The following STK32C variants were observed in gnomAD, a reference collection of about 807,000 sequenced individuals.
The protein encoded by STK32C is serine/threonine-protein kinase 32C.
In STK32C, 31 loss-of-function variants were observed where a neutral mutation model predicts 56.5. The ratio of observed to expected loss-of-function variants is 0.55; its 90% confidence interval spans 0.41 to 0.74. STK32C has a LOEUF of 0.74. Ranked by LOEUF, STK32C falls within the 30% of genes least tolerant of loss-of-function variation. The probability of loss-of-function intolerance (pLI) is 0.00; values close to 1 mark genes in which losing one functional copy is unlikely to be tolerated. For synonymous variants in STK32C, 309 were observed against 289.4 expected (o/e 1.07, Z -0.69); for missense variants, 544 against 676.9 (o/e 0.80, Z 2.18).
At chr10:132,275,189 G>A (rs375009466) in intron 1 of STK32C, among the ~76,000 whole-genome samples, 1 of 152,200 alleles carries the variant, frequency 6.6e-6, no homozygotes, top group Non-Finnish European at 1.5e-5. Flanking sequence ...TGGGAGGTCC[G>A]GCATCCCCGT....
chr10:132,316,259 T>G (rs1375997563), intron 1 of STK32C, among the ~76,000 whole-genome samples: 1 of 151,778 alleles, frequency 6.6e-6, no homozygotes, highest in Non-Finnish European at 1.5e-5. Flanking sequence ...TATAAGCCAA[T>G]GTAGCAAAGA....
rs1324118648 is a variant in STK32C, at chr10:132,221,703, G to A, written c.1251+938C>T. 7.1e-3 allele frequency among the ~76,000 whole-genome samples: 747 copies of A among 104,652 alleles called. 7 individuals carry two copies. The highest frequency in any genetic ancestry group is 0.027 in the African/African-American group (700 of 25,496). 68.7% of individuals were successfully genotyped at this position (104,652 alleles called of 152,430 possible). A position where few individuals can be genotyped will look rare whatever the true frequency, so the allele number is the denominator to read the frequency against. On this transcript the variant is annotated intron_variant, in intron 10 of 11. Coordinates refer to ENST00000298630, the MANE Select transcript of STK32C (RefSeq NM_173575.4). Reference sequence around the variant, plus strand: ...GGCCGTCCCCACACACACAACTGATGCTGACGCACCTGGGCGAGTGTGAGG... The same window carrying A: ...GGCCGTCCCCACACACACAACTGATACTGACGCACCTGGGCGAGTGTGAGG...
At chr10:132,261,222 G>A (rs573798667) in intron 1 of STK32C, among the ~76,000 whole-genome samples, 2 of 152,242 alleles carry the variant, frequency 1.3e-5, no homozygotes, top group South Asian at 2.1e-4. Context: ...GTTGCCAGGT[G>A]GCTGGAGAAT....
At chr10:132,281,666 A>G (rs2065210132) in intron 1 of STK32C, among the ~76,000 whole-genome samples, 2 of 152,216 alleles carry the variant, frequency 1.3e-5, no homozygotes, top group African/African-American at 4.8e-5. Flanking sequence ...GTTGGAAAGC[A>G]CTGTTGCGGA....
chr10:132,291,658 C>T (rs898502229), intron 1 of STK32C, among the ~76,000 whole-genome samples: 6 of 152,188 alleles, frequency 3.9e-5, no homozygotes, highest in Non-Finnish European at 8.8e-5. Flanking sequence ...CCTGTATGAA[C>T]GCTGAGGCTG....
intron 1 of STK32C, among the ~76,000 whole-genome samples, chr10:132,327,929 G>C (rs999278294): frequency 6.6e-6 from 1 of 152,184 alleles, no homozygotes; most frequent in African/African-American, 2.4e-5. Flanking sequence ...TGGGAGGGCT[G>C]TCCCTGAAGA....
chr10:132,270,709 C>T (rs972379999), intron 1 of STK32C, among the ~76,000 whole-genome samples: 1 of 152,200 alleles, frequency 6.6e-6, no homozygotes, highest in Non-Finnish European at 1.5e-5. Context: ...CCTCCCTCTG[C>T]GTCTGTAACC....
intron 1 of STK32C, among the ~76,000 whole-genome samples, chr10:132,285,887 C>T (rs2138270210): frequency 6.6e-6 from 1 of 152,190 alleles, no homozygotes; most frequent in African/African-American, 2.4e-5. Context: ...TTTGGGAGGC[C>T]GAGGCGGGCA....
intron 1 of STK32C, among the ~76,000 whole-genome samples, chr10:132,272,084 G>A (rs2064844702): frequency 6.6e-6 from 1 of 152,234 alleles, no homozygotes; most frequent in Non-Finnish European, 1.5e-5. Flanking sequence ...GGGCTGTGCT[G>A]TGCCCCCGAA....
intron 10 of STK32C, among the ~76,000 whole-genome samples, chr10:132,220,875 A>C (rs2035804): frequency 6.6e-6 from 1 of 152,078 alleles, no homozygotes; most frequent in Non-Finnish European, 1.5e-5. Flanking sequence ...TGGACTTCCG[A>C]TTTACAGAAA....
At chr10:132,259,088 G>A (rs1174016873) in intron 1 of STK32C, among the ~76,000 whole-genome samples, 1 of 131,738 alleles carries the variant, frequency 7.6e-6, no homozygotes, top group Non-Finnish European at 1.6e-5. Flanking sequence ...GGCTTGGGAG[G>A]CTGCTGCACC....
In STK32C at chr10:132,247,196, G is replaced by A. The variant is rs142737599; in HGVS notation, c.263-1241C>T. 3.8e-4 allele frequency among the ~76,000 whole-genome samples: 58 copies of A among 152,316 alleles called. No individual in the cohort carries two copies. The East Asian group carries it at 0.01, about 26-fold the overall frequency. On this transcript the variant is annotated intron_variant, in intron 1 of 11. Coordinates refer to ENST00000298630, the MANE Select transcript of STK32C (RefSeq NM_173575.4). The stretch of plus-strand genomic sequence containing the variant: ...AGTCTCATCTCCACTGCTCCCTGGC[G>A]GTACCCTGTGCCGTCTGGTGGGGCA...
At chr10:132,266,070 T>A (rs957785020) in intron 1 of STK32C, among the ~76,000 whole-genome samples, 12 of 152,282 alleles carry the variant, frequency 7.9e-5, no homozygotes, top group African/African-American at 2.9e-4. Flanking sequence ...ATACTGGAAA[T>A]AACCCAAACG....
chr10:132,240,938 C>T (rs2063479406), intron 2 of STK32C, among the ~76,000 whole-genome samples: 1 of 152,226 alleles, frequency 6.6e-6, no homozygotes, highest in Non-Finnish European at 1.5e-5. Context: ...ACGCCTCTGC[C>T]TCCTGATAGC....
chr10:132,208,377 C>T (rs1173078917), intron 11 of STK32C, among the ~76,000 whole-genome samples: 3 of 152,230 alleles, frequency 2.0e-5, no homozygotes, highest in African/African-American at 7.2e-5. Flanking sequence ...TGTTTCCAGC[C>T]AGAAGCCGAA....
At chr10:132,247,584 G>T (rs943882301) in intron 1 of STK32C, among the ~76,000 whole-genome samples, 3 of 152,266 alleles carry the variant, frequency 2.0e-5, no homozygotes, top group Non-Finnish European at 2.9e-5. Context: ...AAGGGAGGGG[G>T]TGCCTAGGTG....
At chr10:132,312,698 G>A (rs113297291), upstream of STK32C, among the ~76,000 whole-genome samples, 18 of 152,278 alleles carry the variant, frequency 1.2e-4, no homozygotes, top group African/African-American at 4.1e-4. Context: ...GCCCCCAACC[G>A]ATGGGACAGA....
chr10:132,246,540 T>C (rs1453453093), intron 1 of STK32C, among the ~76,000 whole-genome samples: 3 of 152,146 alleles, frequency 2.0e-5, no homozygotes, highest in Non-Finnish European at 4.4e-5. Context: ...CTGTGTAGCC[T>C]GGGAGAGCCT....
At chr10:132,265,428 C>A (rs564727171) in intron 1 of STK32C, among the ~76,000 whole-genome samples, 1 of 152,166 alleles carries the variant, frequency 6.6e-6, no homozygotes, top group Non-Finnish European at 1.5e-5. Context: ...AGGGCAGAAG[C>A]GACCACCAGA....
Sources: gnomAD v4.1 joint callset for allele counts (sites outside exome capture counted in the v4.1 genomes callset) on GRCh38, gnomAD v4.1.1 for gene constraint, MANE v1.5 for transcripts, NCBI Gene and HGNC (gene_info 2026-07-23, HGNC 2026-07-21) for gene names.